Variants in PRADC1 observed in about 807,000 individuals in gnomAD.
The protein encoded by PRADC1 is protease-associated domain-containing protein 1.
A neutral mutation model predicts 22.9 loss-of-function variants in PRADC1; 23 were observed. The ratio of observed to expected loss-of-function variants is 1.00; its 90% confidence interval spans 0.72 to 1.42. The LOEUF is 1.42. Ranked by LOEUF, PRADC1 falls within the 40% of genes most tolerant of loss-of-function variation. PRADC1 has a pLI of 0.00. For synonymous variants in PRADC1, 71 were observed against 100.3 expected (o/e 0.71, Z 1.75); for missense variants, 207 against 258.3 (o/e 0.80, Z 1.36).
intron 2 of PRADC1, 92 bp from the exon 3 acceptor site, chr2:73,229,662 A>T (rs1686598728): frequency 2.1e-6 from 2 of 943,604 alleles, no homozygotes; most frequent in African/African-American, 3.2e-5. Flanking sequence ...TTGGCACCTT[A>T]TAAAGTGTGA....
At chr2:73,233,017 T>C (rs1686693215) in intron 1 of PRADC1, 77 bp downstream of exon 1, 2 of 1,488,766 alleles carry the variant, frequency 1.3e-6, no homozygotes. Flanking sequence ...AGGTGACCCT[T>C]GGCCCCCAAC....
chr2:73,228,739 A>C lies in PRADC1; in HGVS notation c.446+56T>G, dbSNP rs1166148897. 6 of 1,589,860 alleles carry C rather than the reference A, an allele frequency of 3.8e-6. No homozygotes were observed. Among genetic ancestry groups the C allele is most frequent in the Non-Finnish European group, 5.2e-6 (6 of 1,164,646 alleles). On this transcript the variant is annotated intron_variant, in intron 4 of 4. Transcript: ENST00000258083. The surrounding 1 kb of genome is among the most constrained non-coding windows in gnomAD (Gnocchi z 4.0). ...AAGAAGGGACTGGTGATTACCCCTG[A>C]CCCAGTCATGGCGCCCAGCCTGGTG...
At position 73,230,137 on chromosome 2, in the gene PRADC1, A is replaced by T; in HGVS notation, c.144T>A (p.Pro48=). Residue 48 remains proline (P), a synonymous_variant, in exon 2 of 5, where the codon CCT becomes CCA. Coordinates refer to ENST00000258083, the MANE Select transcript of PRADC1 (RefSeq NM_032319.3). The part of the protein sequence containing the change: ...GDIRYIFTAT[P]AKDFGGIFHT... ...CAAAGATACCACCAAAGTCCTTGGC[A>T]GGTGTGGCTGTGAAGATGTATCGAA... 6.2e-7 allele frequency: 1 copy of T among 1,613,508 alleles called. No individual in the cohort carries two copies. Among genetic ancestry groups the T allele is most frequent in the South Asian group, 1.1e-5 (1 of 91,054 alleles).
At chr2:73,230,470 G>C (rs769146274) in intron 1 of PRADC1, among the ~76,000 whole-genome samples, 28 of 151,660 alleles carry the variant, frequency 1.8e-4, no homozygotes, top group Non-Finnish European at 3.5e-4. Flanking sequence ...CAGGAAAACT[G>C]AGAGCTCCAG....
intron 1 of PRADC1, among the ~76,000 whole-genome samples, chr2:73,230,419 A>G (rs1240010843): frequency 6.6e-6 from 1 of 152,216 alleles, no homozygotes; most frequent in East Asian, 1.9e-4. Context: ...CATTAACCCC[A>G]GAGGCTTATA....
Position 73,228,275 on chromosome 2 carries a change from CT to C in PRADC1, c.*178del. On this transcript the variant is annotated 3_prime_UTR_variant, in exon 5 of 5. Transcript: ENST00000258083. The surrounding 1 kb of genome is among the most constrained non-coding windows in gnomAD (Gnocchi z 4.0). ...GTAGCATGAGACACCCTTGGGGGCC[CT>C]GGGGAAGGGAAGGCCAGTGGTGTGG... is the stretch of plus-strand genomic sequence containing the variant. The C allele has an allele frequency of 1.4e-6, 1 of 721,098 alleles. No homozygotes were observed. Among genetic ancestry groups the C allele is most frequent in the South Asian group, 1.9e-5 (1 of 53,626 alleles). The allele number at this position is 721,098 out of a possible 1,614,324, so 44.7% of individuals were successfully genotyped here.
chr2:73,232,552 C>T (rs1461673516), intron 1 of PRADC1, among the ~76,000 whole-genome samples: 1 of 152,084 alleles, frequency 6.6e-6, no homozygotes, highest in Non-Finnish European at 1.5e-5. Context: ...AAATACACCC[C>T]CAGAAAGCCT....
Position 73,228,910 on chromosome 2 carries a change from C to T in PRADC1, c.331G>A (p.Ala111Thr). The T allele has an allele frequency of 6.2e-7, 1 of 1,613,696 alleles. No individual in the cohort carries two copies. The highest frequency in any genetic ancestry group is 8.5e-7 in the Non-Finnish European group (1 of 1,179,918). ...ACTGCGTTGTCAGAGATGATCACCG[C>T]CCGCCCGCCGTGCTCCTGGACCACC... Reference protein sequence around the residue: ...TRVVQEHGGRAVIISDNAVDN... With the variant: ...TRVVQEHGGRTVIISDNAVDN... Residue 111 changes from alanine to threonine, a missense_variant, in exon 4 of 5, where the codon GCG becomes ACG. Physicochemically the swap from Ala to Thr is moderately conservative, Grantham distance 58. Transcript: ENST00000258083. The surrounding 1 kb of genome is among the most constrained non-coding windows in gnomAD (Gnocchi z 4.0).
At chr2:73,230,996 C>T (rs1461158747) in intron 1 of PRADC1, among the ~76,000 whole-genome samples, 1 of 152,268 alleles carries the variant, frequency 6.6e-6, no homozygotes, top group African/African-American at 2.4e-5. Flanking sequence ...CAGGTCACAC[C>T]TTAAATGTCA....
chr2:73,229,116 TCTTTTTC>T (rs1387687156), intron 3 of PRADC1, among the ~76,000 whole-genome samples, 154 bp from the exon 4 acceptor site: 2 of 152,176 alleles, frequency 1.3e-5, no homozygotes, highest in African/African-American at 4.8e-5. Flanking sequence ...TAAATACATT[TCTTTTTC>T]CTTTTTCTTT....
chr2:73,229,954 C>T (rs1296715116), intron 2 of PRADC1, 159 bp downstream of exon 2: 1 of 625,738 alleles, frequency 1.6e-6, no homozygotes, highest in Non-Finnish European at 2.9e-6. Context: ...AGGGGAGTAG[C>T]TGGAAGAGCT....
At chr2:73,233,037 G>C in intron 1 of PRADC1, 57 bp downstream of exon 1, 1 of 1,517,166 alleles carries the variant, frequency 6.6e-7, no homozygotes, top group Admixed American at 2.0e-5. Flanking sequence ...CCCGAGACGC[G>C]CGCAAGCTGG....
intron 1 of PRADC1, 97 bp from the exon 2 acceptor site, chr2:73,230,310 C>A: frequency 1.1e-6 from 1 of 902,720 alleles, no homozygotes; most frequent in South Asian, 1.5e-5. Context: ...TGGCTATAGT[C>A]TGGGCTCAGG....
chr2:73,231,705 T>TTGGCTTAC (rs1686642887), intron 1 of PRADC1, among the ~76,000 whole-genome samples: 1 of 151,982 alleles, frequency 6.6e-6, no homozygotes, highest in Admixed American at 6.5e-5. Flanking sequence ...TCCTCCCACC[T>TTGGCTTAC]TGGCTTACCA....
At chr2:73,231,432 T>C (rs34960845) in intron 1 of PRADC1, among the ~76,000 whole-genome samples, 38,362 of 151,296 alleles carry the variant, frequency 0.25, 5,219 homozygotes, top group East Asian at 0.36. Flanking sequence ...TTTTCTTTTT[T>C]TTGAGACAGG....
intron 2 of PRADC1, 79 bp downstream of exon 2, chr2:73,230,033 TG>T (rs923583872): frequency 1.0e-6 from 1 of 964,394 alleles, no homozygotes; most frequent in African/African-American, 1.6e-5. Context: ...AGCACTCAGG[TG>T]GGATGAGAGG....
rs548112337 is a variant in PRADC1, at chr2:73,232,973, A to T, written c.67+121T>A. ...CCACTTATTCCGGCCGCCCGCTCCC[A>T]GACCTGTCCTGCTCTGAACTCGCAG... On this transcript the variant is annotated intron_variant, in intron 1 of 4. Transcript: ENST00000258083. 8 of 1,193,360 alleles carry T rather than the reference A, an allele frequency of 6.7e-6. No individual in the cohort carries two copies. In the Admixed American group the frequency reaches 2.4e-4, roughly 36 times the overall value. 73.9% of individuals were successfully genotyped at this position (1,193,360 alleles called of 1,614,324 possible).
At chr2:73,229,113 ATTTCTTTTTCCTT>A in intron 3 of PRADC1, 151 bp from the exon 4 acceptor site, 2 of 765,968 alleles carry the variant, frequency 2.6e-6, no homozygotes, top group East Asian at 2.7e-5. Context: ...ATTTAAATAC[ATTTCTTTTTCCTT>A]TTTCTTTTTT....
At chr2:73,231,715 A>G (rs1686643220) in intron 1 of PRADC1, among the ~76,000 whole-genome samples, 1 of 151,774 alleles carries the variant, frequency 6.6e-6, no homozygotes. Flanking sequence ...TTGGCTTACC[A>G]AAGTCCTGGG....
Sources: gnomAD v4.1 joint callset for allele counts (sites outside exome capture counted in the v4.1 genomes callset) on GRCh38, gnomAD v4.1.1 for gene constraint, Gnocchi (gnomAD v3.1) non-coding constraint, MANE v1.5 for transcripts, NCBI Gene and HGNC (gene_info 2026-07-23, HGNC 2026-07-21) for gene names.